RYR1: variants seen among roughly 807,000 people sequenced by gnomAD.
RYR1 encodes central core disease of muscle.
RYR1 carries 342 observed loss-of-function variants against 583.5 expected under a neutral mutation model. That is an observed-to-expected ratio of 0.59 (90% CI 0.54 to 0.64). The LOEUF (loss-of-function observed/expected upper bound fraction) is 0.64, where lower values mean the gene tolerates loss of function less well. RYR1 is among the 30% of genes least tolerant of loss of function. The pLI, the probability that RYR1 is intolerant of heterozygous loss-of-function variation, is 0.00. For synonymous variants in RYR1, 2,791 were observed against 2,822.5 expected (o/e 0.99, Z 0.35); for missense variants, 6,032 against 6,917.2 (o/e 0.87, Z 4.54).
intron 11 of RYR1, 132 bp from the exon 12 acceptor site, chr19:38,451,632 G>A: frequency 1.9e-6 from 2 of 1,027,668 alleles, no homozygotes; most frequent in Non-Finnish European, 3.0e-6. Flanking sequence ...GAAAAATGAG[G>A]AGGAATTTGC....
Position 38,586,167 on chromosome 19 carries a change from A to G in RYR1, c.14945A>G (p.Glu4982Gly), listed in dbSNP as rs1974478715. 6.2e-7 allele frequency: 1 copy of G among 1,614,018 alleles called. No individual in the cohort carries two copies. The part of the protein sequence containing the change: ...TPHGFETHTL[E>G]EHNLANYMFF... ...CATGGCTTCGAGACTCACACGCTGG[A>G]GGAGCACAACCTGGCCAATTACATG... Residue 4982 changes from glutamate to glycine, a missense_variant, in exon 104 of 106, where the codon GAG becomes GGG. Coordinates refer to ENST00000359596, the MANE Select transcript of RYR1 (RefSeq NM_000540.3).
intron 87 of RYR1, 101 bp from the exon 88 acceptor site, chr19:38,546,344 A>C (rs1165245808): frequency 2.1e-6 from 2 of 967,896 alleles, no homozygotes; most frequent in Middle Eastern, 2.1e-4. Context: ...AGAGGGGAGA[A>C]AACGGGTTTA....
rs758856448 is a variant in RYR1, at chr19:38,486,123, G to A, written c.5468G>A (p.Gly1823Glu). The A allele has an allele frequency of 4.3e-6, 7 of 1,613,048 alleles. No individual in the cohort carries two copies. The highest frequency in any genetic ancestry group is 5.9e-6 in the Non-Finnish European group (7 of 1,179,844). Residue 1823 changes from glycine to glutamate, a missense_variant, in exon 34 of 106, where the codon GGG (glycine) becomes GAG (glutamate). This residue lies in a region of RYR1 where 2,627 missense variants were observed against 2,961.3 expected (regional missense o/e 0.89). Coordinates refer to ENST00000359596, the MANE Select transcript of RYR1 (RefSeq NM_000540.3). ...RMLGEAVRDG[G>E]QHARDPVGGS... ...CTGGGGGAGGCGGTGCGCGACGGTG[G>A]GCAGCACGCTCGCGACCCCGTCGGG...
chr19:38,496,162 G>A lies in RYR1; in HGVS notation c.6549-53G>A. Reference sequence around the variant, plus strand: ...CAACGCTGTCACAGTGGTGGCTATGGCCCTCTCCGGACCTGGGCCCCTGGT... The same window carrying A: ...CAACGCTGTCACAGTGGTGGCTATGACCCTCTCCGGACCTGGGCCCCTGGT... On this transcript the variant is annotated intron_variant, in intron 39 of 105. Coordinates refer to ENST00000359596, the MANE Select transcript of RYR1 (RefSeq NM_000540.3). The surrounding 1 kb of genome is among the most constrained non-coding windows in gnomAD (Gnocchi z 4.8). 1 of 1,440,590 alleles carries A rather than the reference G, an allele frequency of 6.9e-7. No homozygotes were observed. 89.2% of individuals were successfully genotyped at this position (1,440,590 alleles called of 1,614,324 possible).
At chr19:38,492,743 G>A (rs1969613231) in intron 38 of RYR1, 107 bp downstream of exon 38, 14 of 1,212,972 alleles carry the variant, frequency 1.2e-5, no homozygotes, top group Middle Eastern at 2.7e-4. Flanking sequence ...CAAGGGAGGG[G>A]TAGATAGGCA....
rs1231088031 is a variant in RYR1, at chr19:38,511,627, C to T, written c.9172+17C>T. 6.2e-7 allele frequency: 1 copy of T among 1,613,746 alleles called. No individual in the cohort carries two copies. The highest frequency in any genetic ancestry group is 8.5e-7 in the Non-Finnish European group (1 of 1,179,754). Reference sequence around the variant, plus strand: ...CTCTCTTTGGTAAGTGGCTCCACACCTTCGGTCTTCCTCCCTAATCTTTCT... The same window carrying T: ...CTCTCTTTGGTAAGTGGCTCCACACTTTCGGTCTTCCTCCCTAATCTTTCT... On this transcript the variant is annotated intron_variant, in intron 61 of 105. Coordinates refer to ENST00000359596, the MANE Select transcript of RYR1 (RefSeq NM_000540.3).
chr19:38,527,081 A>G, intron 72 of RYR1, 29 bp downstream of exon 72: 1 of 1,612,474 alleles, frequency 6.2e-7, no homozygotes, highest in African/African-American at 1.3e-5. Flanking sequence ...CAAGCAAAAG[A>G]AGCAAGTCAG....
chr19:38,550,625 C>T lies in RYR1; in HGVS notation c.12282+2205C>T, dbSNP rs1972624326. ...CCCTGGGCTCAGGCGATCCTCCTGC[C>T]TCAGCCACCCAAAGTGCTGGGATTA... On this transcript the variant is annotated intron_variant, in intron 89 of 105. Transcript: ENST00000359596. 2.0e-5 allele frequency among the ~76,000 whole-genome samples: 3 copies of T among 152,090 alleles called. No homozygotes were observed. In the South Asian group the frequency reaches 6.2e-4, roughly 32 times the overall value.
At chr19:38,454,088 G>A (rs1239353333) in intron 13 of RYR1, among the ~76,000 whole-genome samples, 1 of 152,152 alleles carries the variant, frequency 6.6e-6, no homozygotes, top group African/African-American at 2.4e-5. Flanking sequence ...CCAGGCTGGA[G>A]TGCAGTGGTG....
At chr19:38,498,877 C>T (rs1969966709) in intron 42 of RYR1, among the ~76,000 whole-genome samples, 1 of 152,168 alleles carries the variant, frequency 6.6e-6, no homozygotes, top group Non-Finnish European at 1.5e-5. Context: ...TGTTCTGTGA[C>T]TTAGAATGCC....
intron 88 of RYR1, among the ~76,000 whole-genome samples, chr19:38,547,785 G>A (rs989786336): frequency 2.0e-5 from 3 of 150,172 alleles, no homozygotes; most frequent in Non-Finnish European, 3.0e-5. Context: ...GCACGATCTC[G>A]GCTCTGCAAC....
intron 71 of RYR1, among the ~76,000 whole-genome samples, chr19:38,525,751 A>G (rs1971440051): frequency 6.6e-6 from 1 of 151,642 alleles, no homozygotes; most frequent in Non-Finnish European, 1.5e-5. Context: ...AACCTAGAAA[A>G]GCTCTAGGAC....
intron 70 of RYR1, among the ~76,000 whole-genome samples, chr19:38,524,831 G>A (rs1971397819): frequency 6.6e-6 from 1 of 152,178 alleles, no homozygotes; most frequent in African/African-American, 2.4e-5. Context: ...TGTGAAGTGT[G>A]GGGTTGTGCA....
intron 27 of RYR1, among the ~76,000 whole-genome samples, chr19:38,472,057 ATTG>A (rs1225362062): frequency 5.3e-5 from 8 of 151,884 alleles, no homozygotes; most frequent in Non-Finnish European, 1.2e-4. Context: ...AACAACTTTC[ATTG>A]TTTACCGAGT....
chr19:38,532,430 T>C (rs1971778670), intron 76 of RYR1, 60 bp from the exon 77 acceptor site: 1 of 1,566,420 alleles, frequency 6.4e-7, no homozygotes, highest in Non-Finnish European at 8.8e-7. Flanking sequence ...GCCCAGAAGC[T>C]CTTATAAGAT....
intron 101 of RYR1, among the ~76,000 whole-genome samples, chr19:38,581,592 G>A (rs1425272614): frequency 1.3e-5 from 2 of 151,914 alleles, no homozygotes; most frequent in Non-Finnish European, 2.9e-5. Flanking sequence ...TATTTGAGCT[G>A]AGGTTTTTTG....
intron 71 of RYR1, among the ~76,000 whole-genome samples, chr19:38,525,831 C>A (rs920563256): frequency 1.5e-4 from 22 of 151,548 alleles, no homozygotes; most frequent in African/African-American, 5.1e-4. Flanking sequence ...CCTGCTGAGA[C>A]CCTGAGAGTC....
rs1489650951 is a variant in RYR1, at chr19:38,483,658, C to T, written c.4934+142C>T. On this transcript the variant is annotated intron_variant, in intron 33 of 105. Coordinates refer to ENST00000359596, the MANE Select transcript of RYR1 (RefSeq NM_000540.3). This position sits in a 1 kb window ranked among gnomAD's most constrained non-coding sequence, Gnocchi z 6.3. ...ATCTCCAGACCTACCTCAGGGGACT[C>T]GGGCTCAGCTCAGACATCCCCAGAT... The T allele has an allele frequency of 3.4e-5, 25 of 732,178 alleles. No individual in the cohort carries two copies. The highest frequency in any genetic ancestry group is 7.5e-4 in the Middle Eastern group (2 of 2,650). 45.4% of individuals were successfully genotyped at this position (732,178 alleles called of 1,614,324 possible).
chr19:38,574,623 C>T lies in RYR1; in HGVS notation c.14130-1296C>T, dbSNP rs997185049. Among the ~76,000 whole-genome samples the T allele has an allele frequency of 3.9e-5, 6 of 151,954 alleles. No homozygotes were observed. In the East Asian group the frequency reaches 1.2e-3, roughly 29 times the overall value. On this transcript the variant is annotated intron_variant, in intron 96 of 105. Coordinates refer to ENST00000359596, the MANE Select transcript of RYR1 (RefSeq NM_000540.3). Reference sequence around the variant, plus strand: ...CTTCAGCCTGAGTGACAGAGCAAGACCCTATGTCTGGGGGCCAAAAAAAAA... The same window carrying T: ...CTTCAGCCTGAGTGACAGAGCAAGATCCTATGTCTGGGGGCCAAAAAAAAA...
Sources: allele counts gnomAD v4.1 joint callset (sites outside exome capture counted in the v4.1 genomes callset), GRCh38; gene constraint gnomAD v4.1.1; regional missense constraint gnomAD v4.1.1; non-coding constraint Gnocchi (gnomAD v3.1); transcripts MANE v1.5; gene names NCBI Gene and HGNC (gene_info 2026-07-23, HGNC 2026-07-21).